The following MAN1C1 variants were observed in gnomAD, a reference collection of about 807,000 sequenced individuals.
The protein encoded by MAN1C1 is mannosidase alpha class 1C member 1, also known as mannosyl-oligosaccharide 1,2-alpha-mannosidase IC.
In MAN1C1, 49 loss-of-function variants were observed where a neutral mutation model predicts 71.5. That is an observed-to-expected ratio of 0.69 (90% CI 0.54 to 0.87). MAN1C1 has a LOEUF of 0.87. Ranked by LOEUF, MAN1C1 falls within the 40% of genes least tolerant of loss-of-function variation. MAN1C1 has a pLI of 0.00. For synonymous variants in MAN1C1, 352 were observed against 343.7 expected (o/e 1.02, Z -0.27); for missense variants, 743 against 835.0 (o/e 0.89, Z 1.36).
At chr1:25,641,328 C>T (rs1473910195) in intron 1 of MAN1C1, among the ~76,000 whole-genome samples, 1 of 152,220 alleles carries the variant, frequency 6.6e-6, no homozygotes, top group African/African-American at 2.4e-5. Context: ...CAGGTCCCAC[C>T]AGTTTAAATT....
intron 2 of MAN1C1, among the ~76,000 whole-genome samples, chr1:25,738,372 C>G (rs2047012051): frequency 6.6e-6 from 1 of 152,216 alleles, no homozygotes; most frequent in South Asian, 2.1e-4. Context: ...ATTAGACGAT[C>G]TGGTTTTAAA....
chr1:25,781,538 C>G (rs886237842), intron 10 of MAN1C1, among the ~76,000 whole-genome samples: 8 of 152,200 alleles, frequency 5.3e-5, no homozygotes, highest in African/African-American at 1.9e-4. Flanking sequence ...GACCCCCCCA[C>G]CCTAGTCTCT....
chr1:25,617,230 G>A lies in MAN1C1; in HGVS notation c.-568G>A, dbSNP rs1166003244. Among the ~76,000 whole-genome samples, 2 of 151,826 alleles carry A rather than the reference G, an allele frequency of 1.3e-5. No homozygotes were observed. The highest frequency in any genetic ancestry group is 3.9e-4 in the East Asian group (2 of 5,126). ...GACGTGTCCCGATAGTCGAGCCCGG[G>A]CGCTGTCGCGACCGGGCCGGGTGTG... is the stretch of plus-strand genomic sequence containing the variant. On this transcript the variant is annotated 5_prime_UTR_variant, in exon 1 of 12. Coordinates refer to ENST00000374332, the MANE Select transcript of MAN1C1 (RefSeq NM_020379.4). The surrounding 1 kb of genome is among the most constrained non-coding windows in gnomAD (Gnocchi z 5.1).
At chr1:25,636,058 T>C (rs889397619) in intron 1 of MAN1C1, among the ~76,000 whole-genome samples, 2 of 151,850 alleles carry the variant, frequency 1.3e-5, no homozygotes, top group East Asian at 3.9e-4. Flanking sequence ...GGGTAGGGGG[T>C]GTACGAACAG....
chr1:25,757,472 T>G (rs1186325148), intron 5 of MAN1C1, among the ~76,000 whole-genome samples: 1 of 146,578 alleles, frequency 6.8e-6, no homozygotes, highest in East Asian at 2.1e-4. Context: ...GGAAAGATAA[T>G]CATGATACAT....
At chr1:25,719,601 A>G (rs988453829) in intron 2 of MAN1C1, among the ~76,000 whole-genome samples, 2 of 147,118 alleles carry the variant, frequency 1.4e-5, no homozygotes, top group African/African-American at 5.0e-5. Flanking sequence ...GTTATTTTTA[A>G]GTTTTTTATA....
chr1:25,735,460 G>T lies in MAN1C1; in HGVS notation c.638-11208G>T, dbSNP rs12058337. On this transcript the variant is annotated intron_variant, in intron 2 of 11. Coordinates refer to ENST00000374332, the MANE Select transcript of MAN1C1 (RefSeq NM_020379.4). The surrounding 1 kb of genome is among the most constrained non-coding windows in gnomAD (Gnocchi z 4.6). ...TATGTGTATGTATATATATATGTGT[G>T]TATCTATATATGTGTATGTATATAT... Among the ~76,000 whole-genome samples the T allele has an allele frequency of 2.8e-3, 420 of 152,094 alleles. 2 individuals carry two copies. The highest frequency in any genetic ancestry group is 8.8e-3 in the African/African-American group (365 of 41,486).
chr1:25,655,710 A>T (rs1050373342), intron 1 of MAN1C1, among the ~76,000 whole-genome samples: 1 of 152,094 alleles, frequency 6.6e-6, no homozygotes. Context: ...TTGCAAGTCT[A>T]TTGGATGAAA....
At chr1:25,683,594 G>A in intron 1 of MAN1C1, among the ~76,000 whole-genome samples, 1 of 152,118 alleles carries the variant, frequency 6.6e-6, no homozygotes, top group East Asian at 1.9e-4. Context: ...CTGGGAGGAA[G>A]GTCTCCCTGC....
At chr1:25,756,061 G>A (rs991438475) in intron 5 of MAN1C1, among the ~76,000 whole-genome samples, 2 of 152,316 alleles carry the variant, frequency 1.3e-5, no homozygotes, top group South Asian at 2.1e-4. Flanking sequence ...ATCTACCTCC[G>A]AAGTTGGTTG....
chr1:25,628,497 G>A (rs1470951244), intron 1 of MAN1C1, among the ~76,000 whole-genome samples: 2 of 151,950 alleles, frequency 1.3e-5, no homozygotes, highest in Non-Finnish European at 2.9e-5. Context: ...TAATAGAGAC[G>A]GGATTTCACC....
At chr1:25,679,799 A>G (rs1387971302) in intron 1 of MAN1C1, among the ~76,000 whole-genome samples, 2 of 151,692 alleles carry the variant, frequency 1.3e-5, no homozygotes, top group Admixed American at 1.3e-4. Flanking sequence ...AAAGTTGCAA[A>G]TATAATGTCC....
chr1:25,617,351 G>A lies in MAN1C1; in HGVS notation c.-447G>A, dbSNP rs1417661354. On this transcript the variant is annotated 5_prime_UTR_variant, in exon 1 of 12. Transcript: ENST00000374332. The surrounding 1 kb of genome is among the most constrained non-coding windows in gnomAD (Gnocchi z 5.1). ...GCTGAAACTTTGGGCGCCTACCAGC[G>A]CGGGCGGGAGCCTAGGGGGCGGAGG... 4 of 151,710 alleles carry A rather than the reference G, an allele frequency of 2.6e-5. No individual in the cohort carries two copies. The highest frequency in any genetic ancestry group is 9.7e-5 in the African/African-American group (4 of 41,438). The allele number at this position is 151,710 out of a possible 1,614,324, so 9.4% of individuals were successfully genotyped here. A position where few individuals can be genotyped will look rare whatever the true frequency, so the allele number is the denominator to read the frequency against.
intron 1 of MAN1C1, among the ~76,000 whole-genome samples, chr1:25,635,194 G>T (rs1282459101): frequency 1.3e-5 from 2 of 151,994 alleles, no homozygotes; most frequent in African/African-American, 2.4e-5. Context: ...GAAAGAGTCT[G>T]TGGGACACTA....
intron 1 of MAN1C1, among the ~76,000 whole-genome samples, chr1:25,668,297 C>G (rs957908969): frequency 6.6e-6 from 1 of 151,616 alleles, no homozygotes; most frequent in African/African-American, 2.4e-5. Flanking sequence ...CTTTCCTTCA[C>G]GGTGCTTGTC....
chr1:25,765,062 G>T (rs1461751767), intron 7 of MAN1C1, among the ~76,000 whole-genome samples: 3 of 151,984 alleles, frequency 2.0e-5, no homozygotes, highest in Non-Finnish European at 2.9e-5. Flanking sequence ...AAAAACAAAA[G>T]ACGTCATGAA....
intron 2 of MAN1C1, among the ~76,000 whole-genome samples, chr1:25,689,905 C>A (rs2046284188): frequency 6.6e-6 from 1 of 152,164 alleles, no homozygotes; most frequent in African/African-American, 2.4e-5. Flanking sequence ...GCCTGCAGGG[C>A]TGGCAGGGCT....
chr1:25,652,986 G>T (rs2045715081), intron 1 of MAN1C1, among the ~76,000 whole-genome samples: 1 of 152,090 alleles, frequency 6.6e-6, no homozygotes, highest in Non-Finnish European at 1.5e-5. Context: ...TTGAACTCCT[G>T]GCCTCTGGAG....
Position 25,617,453 on chromosome 1 carries a change from C to G in MAN1C1, c.-345C>G, listed in dbSNP as rs1322315033. The G allele has an allele frequency of 6.8e-6, 1 of 147,982 alleles. No individual in the cohort carries two copies. The highest frequency in any genetic ancestry group is 6.7e-5 in the Admixed American group (1 of 14,896). The allele number at this position is 147,982 out of a possible 1,614,324, so 9.2% of individuals were successfully genotyped here. On this transcript the variant is annotated 5_prime_UTR_variant, in exon 1 of 12. Coordinates refer to ENST00000374332, the MANE Select transcript of MAN1C1 (RefSeq NM_020379.4). This position sits in a 1 kb window ranked among gnomAD's most constrained non-coding sequence, Gnocchi z 5.1. ...CGCGGACGGCATGTGACGGTCCCGG[C>G]GGCCGCAGCGCGGGAAGGCGCGGGC... is the stretch of plus-strand genomic sequence containing the variant.
Sources: allele counts gnomAD v4.1 joint callset (sites outside exome capture counted in the v4.1 genomes callset), GRCh38; gene constraint gnomAD v4.1.1; non-coding constraint Gnocchi (gnomAD v3.1); transcripts MANE v1.5; gene names NCBI Gene and HGNC (gene_info 2026-07-23, HGNC 2026-07-21).